Variants in IGSF9B observed in about 807,000 individuals in gnomAD.
IGSF9B encodes the protein protein turtle homolog B.
Under a neutral mutation model 143.7 loss-of-function variants are expected in IGSF9B, and 48 were observed. The observed-to-expected ratio is 0.33, with a 90% CI of 0.26 to 0.42. The LOEUF (loss-of-function observed/expected upper bound fraction) is 0.42. IGSF9B is among the 20% of genes least tolerant of loss of function. The probability of loss-of-function intolerance (pLI) is 1.00; values close to 1 mark genes in which losing one functional copy is unlikely to be tolerated. For missense variants in IGSF9B, 1,706 were observed against 1,980.0 expected, an observed-to-expected ratio of 0.86 and a Z score of 2.63; for synonymous variants, 903 against 833.1, an observed-to-expected ratio of 1.08 and a Z score of -1.44.
In IGSF9B at chr11:133,931,838, C is replaced by T. The variant is rs1939736349; in HGVS notation, c.1111-43G>A. 1 of 1,601,240 alleles carries T rather than the reference C, an allele frequency of 6.2e-7. No homozygotes were observed. The highest frequency in any genetic ancestry group is 1.3e-5 in the African/African-American group (1 of 74,290). On this transcript the variant is annotated intron_variant, in intron 8 of 19. Coordinates refer to ENST00000533871, the MANE Select transcript of IGSF9B (RefSeq NM_001277285.4). This position sits in a 1 kb window ranked among gnomAD's most constrained non-coding sequence, Gnocchi z 7.7. ...TAGGGCAGGGAACGCTGGTCAGAGA[C>T]TCCGCGCTCCATCCCAGGCTGGGTC...
chr11:133,920,727 G>T lies in IGSF9B; in HGVS notation c.2998C>A (p.Pro1000Thr), dbSNP rs752691103. The T allele has an allele frequency of 1.2e-6, 2 of 1,613,164 alleles. No individual in the cohort carries two copies. Among genetic ancestry groups the T allele is most frequent in the Admixed American group, 1.7e-5 (1 of 60,014 alleles). The change falls in exon 18 of 20, where the codon CCC (proline) becomes ACC (threonine). Residue 1000 changes from proline to threonine, a missense_variant. This residue lies in a region of IGSF9B where 880 missense variants were observed against 762.9 expected (regional missense o/e 1.15). Transcript: ENST00000533871. ...CCAAAGGGCCCCTCGGTGGGCAGGG[G>T]CGGGGACGACATGACGGAGCTCAGG... ...SPLSSVMSSP[P>T]LPTEGPFGHP...
At position 133,928,011 on chromosome 11, in the gene IGSF9B, G is replaced by A. The variant is rs546767615; in HGVS notation, c.1632-920C>T. 1.8e-4 allele frequency among the ~76,000 whole-genome samples: 27 copies of A among 152,266 alleles called. No homozygotes were observed. The South Asian group carries it at 3.7e-3, about 21-fold the overall frequency. On this transcript the variant is annotated intron_variant, in intron 12 of 19. Coordinates refer to ENST00000533871, the MANE Select transcript of IGSF9B (RefSeq NM_001277285.4). The surrounding 1 kb of genome is among the most constrained non-coding windows in gnomAD (Gnocchi z 4.7). ...AAAGAAAGGAGACCTCCCCAACCTC[G>A]GCCCCGCCCTTCCCTGGCCCAGGCA...
At position 133,937,931 on chromosome 11, in the gene IGSF9B, T is replaced by G. The variant is rs567657119; in HGVS notation, c.440A>C (p.Gln147Pro). ...APPTFTETPPQYIEAKEGGSI... is the reference protein window; with the variant it reads ...APPTFTETPPPYIEAKEGGSI... ...ACCACCCTCCTTGGCCTCGATGTAC[T>G]GGGGGGGTGTTTCTGTAAAGGTGGG... Residue 147 changes from glutamine to proline, a missense_variant, in exon 4 of 20, where the codon CAG (glutamine) becomes CCG (proline). Physicochemically the swap from Gln to Pro is moderately conservative, Grantham distance 76 (BLOSUM62 -1). This residue lies in a region of IGSF9B where 171 missense variants were observed against 213.9 expected (regional missense o/e 0.80). Coordinates refer to ENST00000533871, the MANE Select transcript of IGSF9B (RefSeq NM_001277285.4). 6 of 1,612,884 alleles carry G rather than the reference T, an allele frequency of 3.7e-6. No individual in the cohort carries two copies. In the African/African-American group the frequency reaches 8.0e-5, roughly 22 times the overall value.
rs1347566235 is a variant in IGSF9B, at chr11:133,948,770, C to T, written c.65-2512G>A. Among the ~76,000 whole-genome samples the T allele has an allele frequency of 6.6e-6, 1 of 152,062 alleles. No homozygotes were observed. Among genetic ancestry groups the T allele is most frequent in the Non-Finnish European group, 1.5e-5 (1 of 68,016 alleles). On this transcript the variant is annotated intron_variant, in intron 1 of 19. Coordinates refer to ENST00000533871, the MANE Select transcript of IGSF9B (RefSeq NM_001277285.4). The surrounding 1 kb of genome is among the most constrained non-coding windows in gnomAD (Gnocchi z 4.7). ...ACCTGGAGGAGGGCAGAGTGGGCAA[C>T]AGAAGGTGGTTCCTTCCCAGGGCTT...
At position 133,946,638 on chromosome 11, in the gene IGSF9B, G is replaced by C. The variant is rs189068196; in HGVS notation, c.65-380C>G. On this transcript the variant is annotated intron_variant, in intron 1 of 19. Coordinates refer to ENST00000533871, the MANE Select transcript of IGSF9B (RefSeq NM_001277285.4). Reference sequence around the variant, plus strand: ...CAAGGAGTCCAGGACATGGAGGTGAGGGGCCCGGCCCCCTCTGGAGGCCCA... The same window carrying C: ...CAAGGAGTCCAGGACATGGAGGTGACGGGCCCGGCCCCCTCTGGAGGCCCA... Among the ~76,000 whole-genome samples the C allele has an allele frequency of 7.8e-3, 1,182 of 152,302 alleles. 9 individuals are homozygous for C. Among genetic ancestry groups the C allele is most frequent in the Non-Finnish European group, 0.013 (854 of 68,024 alleles).
chr11:133,924,680 A>T, intron 15 of IGSF9B, 140 bp downstream of exon 15: 1 of 679,926 alleles, frequency 1.5e-6, no homozygotes, highest in South Asian at 1.8e-5. Flanking sequence ...AAAGGCTATG[A>T]CTCACGCAGC....
chr11:133,952,886 C>G (rs1377553986), intron 1 of IGSF9B, among the ~76,000 whole-genome samples: 3 of 152,190 alleles, frequency 2.0e-5, no homozygotes, highest in African/African-American at 7.2e-5. Context: ...TTCACACAAG[C>G]TGCTTCACCT....
At chr11:133,919,122 G>GA (rs765176010) in intron 18 of IGSF9B, 3 of 371,178 alleles carry the variant, frequency 8.1e-6, no homozygotes, top group South Asian at 5.5e-5. Context: ...GGTATACGGG[G>GA]GGGGGGTGGG....
chr11:133,949,016 C>T (rs192322610), intron 1 of IGSF9B, among the ~76,000 whole-genome samples: 86 of 152,226 alleles, frequency 5.6e-4, no homozygotes, highest in Admixed American at 2.0e-4. Context: ...TCTTCCCCAG[C>T]GCTGGGATTC....
chr11:133,919,129 T>TGGGGG (rs756305133), intron 18 of IGSF9B: 73 of 175,886 alleles, frequency 4.2e-4, no homozygotes, highest in South Asian at 8.5e-4. Flanking sequence ...GGGGGGGGGG[T>TGGGGG]GGGGGACGTG....
In IGSF9B at chr11:133,952,096, C is replaced by T. The variant is rs557330357; in HGVS notation, c.64+4595G>A. 41 of 453,866 alleles carry T rather than the reference C, an allele frequency of 9.0e-5. 1 individual carries two copies. The highest frequency in any genetic ancestry group is 5.4e-4 in the South Asian group (35 of 64,286). The allele number at this position is 453,866 out of a possible 1,614,324, so 28.1% of individuals were successfully genotyped here. A position where few individuals can be genotyped will look rare whatever the true frequency, so the allele number is the denominator to read the frequency against. Reference sequence around the variant, plus strand: ...CGGCTGAGACTCCTCCCAGCTCTGGCGCACTCGGACTCTTTCTCCAGAGCC... The same window carrying T: ...CGGCTGAGACTCCTCCCAGCTCTGGTGCACTCGGACTCTTTCTCCAGAGCC... On this transcript the variant is annotated intron_variant, in intron 1 of 19. Transcript: ENST00000533871.
chr11:133,933,891 T>C (rs1441818069), intron 7 of IGSF9B, among the ~76,000 whole-genome samples: 1 of 152,094 alleles, frequency 6.6e-6, no homozygotes, highest in East Asian at 1.9e-4. Flanking sequence ...TGGTATCTTT[T>C]AAGCATTTTG....
At position 133,903,514 on chromosome 11, in the gene IGSF9B, A is replaced by G. The variant is rs906490956; in HGVS notation, c.*5555T>C. Among the ~76,000 whole-genome samples, 1 of 152,184 alleles carries G rather than the reference A, an allele frequency of 6.6e-6. No individual in the cohort carries two copies. The highest frequency in any genetic ancestry group is 6.5e-5 in the Admixed American group (1 of 15,278). On this transcript the variant is annotated 3_prime_UTR_variant, in exon 20 of 20. Transcript: ENST00000533871. ...TGTTCCACCAGAGTATATGGCAACC[A>G]AGATACCCAGACTCTTCCTTCTCTA... is the stretch of plus-strand genomic sequence containing the variant.
rs2121254726 is a variant in IGSF9B at position 133,902,275 on chromosome 11, C to A, written c.*6794G>T. ...CACCACACACACTGCATCACACACA[C>A]ACACACCAGACACATCACACATACA... is the stretch of plus-strand genomic sequence containing the variant. On this transcript the variant is annotated 3_prime_UTR_variant, in exon 20 of 20. Transcript: ENST00000533871. Among the ~76,000 whole-genome samples, 1 of 148,800 alleles carries A rather than the reference C, an allele frequency of 6.7e-6. No individual in the cohort carries two copies. Among genetic ancestry groups the A allele is most frequent in the South Asian group, 2.2e-4 (1 of 4,592 alleles).
chr11:133,947,897 T>C (rs507378), intron 1 of IGSF9B, among the ~76,000 whole-genome samples: 73,630 of 151,394 alleles, frequency 0.49, 19,086 homozygotes, highest in Middle Eastern at 0.68. Flanking sequence ...CGGGCTCCAT[T>C]TCTGCATGTG....
chr11:133,940,764 C>T (rs751043588), intron 3 of IGSF9B, among the ~76,000 whole-genome samples: 17 of 152,202 alleles, frequency 1.1e-4, no homozygotes, highest in South Asian at 1.0e-3. Flanking sequence ...CGTCCTCACA[C>T]GCGTCATCAC....
chr11:133,904,802 C>T lies in IGSF9B; in HGVS notation c.*4267G>A. On this transcript the variant is annotated 3_prime_UTR_variant, in exon 20 of 20. Transcript: ENST00000533871. The stretch of plus-strand genomic sequence containing the variant: ...ACACCTGGCAAAGCACACAGGCCTC[C>T]CCTCCACCCTCCAGTTCTCCAACTC... 6.6e-6 allele frequency among the ~76,000 whole-genome samples: 1 copy of T among 151,658 alleles called. No homozygotes were observed. The highest frequency in any genetic ancestry group is 1.9e-4 in the East Asian group (1 of 5,166).
In IGSF9B at chr11:133,909,806, T is replaced by A. The variant is rs917479266; in HGVS notation, c.4106-529A>T. Among the ~76,000 whole-genome samples, 2 of 152,224 alleles carry A rather than the reference T, an allele frequency of 1.3e-5. No homozygotes were observed. Among genetic ancestry groups the A allele is most frequent in the Admixed American group, 6.5e-5 (1 of 15,288 alleles). On this transcript the variant is annotated intron_variant, in intron 19 of 19. Coordinates refer to ENST00000533871, the MANE Select transcript of IGSF9B (RefSeq NM_001277285.4). The surrounding 1 kb of genome is among the most constrained non-coding windows in gnomAD (Gnocchi z 4.2). ...CTTTGCTAGCTTCAAAGACTATGCA[T>A]CCATGTGAGGGTGCAGAGGAAGAGA...
rs555181508 is a variant in IGSF9B at position 133,948,988 on chromosome 11, C to T, written c.65-2730G>A. On this transcript the variant is annotated intron_variant, in intron 1 of 19. Coordinates refer to ENST00000533871, the MANE Select transcript of IGSF9B (RefSeq NM_001277285.4). This position sits in a 1 kb window ranked among gnomAD's most constrained non-coding sequence, Gnocchi z 4.7. ...CAGCCTCATTTTCACTGCACAGCAA[C>T]GAGGCAGGCTCTTCAAATCTTCCCC... Among the ~76,000 whole-genome samples, 8 of 152,250 alleles carry T rather than the reference C, an allele frequency of 5.3e-5. No individual in the cohort carries two copies. Among genetic ancestry groups the T allele is most frequent in the South Asian group, 4.1e-4 (2 of 4,826 alleles).
Sources: gnomAD v4.1 joint callset for allele counts (sites outside exome capture counted in the v4.1 genomes callset) on GRCh38, gnomAD v4.1.1 for gene constraint, gnomAD v4.1.1 regional missense constraint, Gnocchi (gnomAD v3.1) non-coding constraint, MANE v1.5 for transcripts, NCBI Gene and HGNC (gene_info 2026-07-23, HGNC 2026-07-21) for gene names.